UNKL: variants seen among roughly 807,000 people sequenced by gnomAD.
UNKL encodes unk like zinc finger, also known as putative E3 ubiquitin-protein ligase UNKL.
In UNKL, 60 loss-of-function variants were observed where a neutral mutation model predicts 78.0. The ratio of observed to expected loss-of-function variants is 0.77; its 90% confidence interval spans 0.63 to 0.95. UNKL has a LOEUF of 0.95. UNKL is among the 40% of genes least tolerant of loss of function. The pLI is 0.00. For synonymous variants in UNKL, 608 were observed against 474.8 expected (o/e 1.28, Z -3.65); for missense variants, 1,159 against 1,045.7 (o/e 1.11, Z -1.49).
Position 1,393,464 on chromosome 16 carries a change from C to T in UNKL, c.938-488G>A, listed in dbSNP as rs537361208. ...AGCGTGGAGGAGGCCGCGTGGGTTC[C>T]CACTGAACCCAAACCCCAGGGCTGC... On this transcript the variant is annotated intron_variant, in intron 7 of 14. Transcript: ENST00000389221. Among the ~76,000 whole-genome samples, 105 of 152,048 alleles carry T rather than the reference C, an allele frequency of 6.9e-4. 1 individual carries two copies. Among genetic ancestry groups the T allele is most frequent in the African/African-American group, 2.5e-3 (102 of 41,476 alleles).
chr16:1,364,750 G>C lies in UNKL; in HGVS notation c.*1490C>G, dbSNP rs2035102637. The C allele has an allele frequency of 6.6e-6, 1 of 152,240 alleles. No individual in the cohort carries two copies. The highest frequency in any genetic ancestry group is 6.5e-5 in the Admixed American group (1 of 15,282). 9.4% of individuals were successfully genotyped at this position (152,240 alleles called of 1,614,324 possible). A position where few individuals can be genotyped will look rare whatever the true frequency, so the allele number is the denominator to read the frequency against. Reference sequence around the variant, plus strand: ...CTCCTGTGACCTCACTGGCCACATGGATGAGCTCCGATGATAACTGGCAGC... The same window carrying C: ...CTCCTGTGACCTCACTGGCCACATGCATGAGCTCCGATGATAACTGGCAGC... On this transcript the variant is annotated 3_prime_UTR_variant, in exon 15 of 15. Coordinates refer to ENST00000389221, the MANE Select transcript of UNKL (RefSeq NM_001372107.1).
Position 1,385,312 on chromosome 16 carries a change from G to A in UNKL, c.1160C>T (p.Ala387Val), listed in dbSNP as rs1208871325. ...GGAGCTGCCGGAGCCGGCGCTGGACGCCAGGCTGGACGCCACGCTGGAGCT... is the reference window on the plus strand; with the variant it reads ...GGAGCTGCCGGAGCCGGCGCTGGACACCAGGCTGGACGCCACGCTGGAGCT... ...SVSSSVASSL[A>V]SSAGSGSSSP... Residue 387 changes from alanine (A) to valine (V), a missense_variant, in exon 10 of 15, where the codon GCG (alanine) becomes GTG (valine). Ala to Val is a moderately conservative substitution (Grantham distance 64). Transcript: ENST00000389221. 1.3e-5 allele frequency: 18 copies of A among 1,406,220 alleles called. No homozygotes were observed. The highest frequency in any genetic ancestry group is 6.3e-5 in the Admixed American group (2 of 31,732). The allele number at this position is 1,406,220 out of a possible 1,614,324, so 87.1% of individuals were successfully genotyped here. A position where few individuals can be genotyped will look rare whatever the true frequency, so the allele number is the denominator to read the frequency against.
intron 1 of UNKL, 25 bp downstream of exon 1, chr16:1,414,590 G>C (rs1202903979): frequency 9.9e-7 from 1 of 1,015,022 alleles, no homozygotes; most frequent in Non-Finnish European, 1.2e-6. Context: ...GCGGGCGGGG[G>C]GCCGCAGGCC....
At chr16:1,405,589 G>A (rs1249842955) in intron 2 of UNKL, among the ~76,000 whole-genome samples, 2 of 151,148 alleles carry the variant, frequency 1.3e-5, no homozygotes, top group Non-Finnish European at 3.0e-5. Context: ...AAAAAAAAAA[G>A]AAACTGGAAA....
intron 5 of UNKL, chr16:1,398,834 G>C: frequency 6.4e-7 from 1 of 1,562,040 alleles, no homozygotes; most frequent in South Asian, 1.2e-5. Context: ...CCAGGGGACA[G>C]CTGGGGCTCA....
At chr16:1,367,507 T>TCC (rs1567196616) in intron 13 of UNKL, 149 bp downstream of exon 13, 1 of 24,056 alleles carries the variant, frequency 4.2e-5, no homozygotes, top group African/African-American at 7.1e-4. Flanking sequence ...CCTCCCTCCC[T>TCC]CCCTCCCCCT....
intron 6 of UNKL, among the ~76,000 whole-genome samples, chr16:1,395,407 C>G (rs2037218827): frequency 6.6e-6 from 1 of 152,118 alleles, no homozygotes; most frequent in African/African-American, 2.4e-5. Flanking sequence ...CTCAGGTGAT[C>G]TGCCTGCCTC....
chr16:1,392,003 T>C (rs1276386239), intron 8 of UNKL, among the ~76,000 whole-genome samples: 1 of 152,162 alleles, frequency 6.6e-6, no homozygotes, highest in Non-Finnish European at 1.5e-5. Context: ...TTCCATTTCT[T>C]ACATTTGAAC....
intron 9 of UNKL, 66 bp downstream of exon 9, chr16:1,390,566 A>G (rs1300687202): frequency 6.6e-7 from 1 of 1,506,930 alleles, no homozygotes; most frequent in African/African-American, 1.4e-5. Context: ...GTCAGGCACG[A>G]GGGCGGGAAG....
intron 6 of UNKL, among the ~76,000 whole-genome samples, chr16:1,396,185 G>GC (rs1567227729): frequency 6.6e-6 from 1 of 151,746 alleles, no homozygotes; most frequent in Non-Finnish European, 1.5e-5. Flanking sequence ...CAAGTGATGT[G>GC]CCCACCTCAG....
chr16:1,412,627 C>A (rs976964344), intron 2 of UNKL, among the ~76,000 whole-genome samples: 1 of 152,148 alleles, frequency 6.6e-6, no homozygotes, highest in South Asian at 2.1e-4. Context: ...CATAAATGAG[C>A]CTGCACATAA....
chr16:1,406,079 G>A, intron 2 of UNKL: 1 of 456,706 alleles, frequency 2.2e-6, no homozygotes, highest in Non-Finnish European at 4.4e-6. Flanking sequence ...AGAACCACCG[G>A]GCTTAGGAGA....
rs13330813 is a variant in UNKL, at chr16:1,397,029, C to T, written c.852+149G>A. 1.3e-3 allele frequency: 1,007 copies of T among 790,616 alleles called. 8 individuals carry two copies. In the African/African-American group the frequency reaches 0.016, roughly 12 times the overall value. The allele number at this position is 790,616 out of a possible 1,614,324, so 49.0% of individuals were successfully genotyped here. A position where few individuals can be genotyped will look rare whatever the true frequency, so the allele number is the denominator to read the frequency against. On this transcript the variant is annotated intron_variant, in intron 6 of 14. Transcript: ENST00000389221. ...AAGACAAGCAAGCAGGTACAGCCCTCATGCCTCCACCCCCAGGCTTCCCGA... is the reference window on the plus strand; with the variant it reads ...AAGACAAGCAAGCAGGTACAGCCCTTATGCCTCCACCCCCAGGCTTCCCGA...
At chr16:1,376,053 G>A (rs1037198538) in intron 10 of UNKL, among the ~76,000 whole-genome samples, 2 of 151,254 alleles carry the variant, frequency 1.3e-5, no homozygotes, top group South Asian at 2.1e-4. Flanking sequence ...GATCTGTGGC[G>A]GGCAGGGCCT....
intron 5 of UNKL, chr16:1,398,681 A>AAG: frequency 1.4e-6 from 1 of 694,534 alleles, no homozygotes; most frequent in Non-Finnish European, 1.9e-6. Context: ...TGGGGTCTGC[A>AAG]CCCCCCCACC....
At position 1,375,026 on chromosome 16, in the gene UNKL, G is replaced by A. The variant is rs951364638; in HGVS notation, c.1265-3415C>T. ...CCCAGGCCTCCGCTTCTCCTCCCTG[G>A]AAGCAGCTGGCACCAGTCAGCGCCA... On this transcript the variant is annotated intron_variant, in intron 10 of 14. Coordinates refer to ENST00000389221, the MANE Select transcript of UNKL (RefSeq NM_001372107.1). Among the ~76,000 whole-genome samples, 5 of 152,196 alleles carry A rather than the reference G, an allele frequency of 3.3e-5. No homozygotes were observed. In the South Asian group the frequency reaches 1.0e-3, roughly 31 times the overall value.
intron 6 of UNKL, chr16:1,395,719 T>C (rs886844432): frequency 4.4e-6 from 2 of 456,584 alleles, no homozygotes; most frequent in Admixed American, 4.7e-5. Flanking sequence ...TGGTGCCAGC[T>C]CCACTCAGCT....
At chr16:1,379,312 C>T (rs2036473559) in intron 10 of UNKL, 1 of 255,740 alleles carries the variant, frequency 3.9e-6, no homozygotes, top group Non-Finnish European at 6.1e-6. Flanking sequence ...TCTCCTGCCC[C>T]GCTCCGCTCC....
chr16:1,410,050 G>A (rs1299090083), intron 2 of UNKL, among the ~76,000 whole-genome samples: 1 of 152,064 alleles, frequency 6.6e-6, no homozygotes, highest in African/African-American at 2.4e-5. Flanking sequence ...CTTCACTCCA[G>A]TCTGGTAGAT....
Sources: allele counts gnomAD v4.1 joint callset (sites outside exome capture counted in the v4.1 genomes callset), GRCh38; gene constraint gnomAD v4.1.1; transcripts MANE v1.5; gene names NCBI Gene and HGNC (gene_info 2026-07-23, HGNC 2026-07-21).